The following ADAMTSL1 variants were observed in gnomAD, a reference collection of about 807,000 sequenced individuals.
ADAMTSL1 encodes ADAMTS-like protein 1.
Under a neutral mutation model 201.8 loss-of-function variants are expected in ADAMTSL1, and 126 were observed. The ratio of observed to expected loss-of-function variants is 0.62; its 90% CI spans 0.54 to 0.72. ADAMTSL1 has a LOEUF of 0.72. ADAMTSL1 is among the 30% of genes least tolerant of loss of function. The probability of loss-of-function intolerance (pLI) is 0.00; values close to 1 mark genes in which losing one functional copy is unlikely to be tolerated. For synonymous variants in ADAMTSL1, 1,121 were observed against 903.4 expected (o/e 1.24, Z -4.32); for missense variants, 2,679 against 2,277.8 (o/e 1.18, Z -3.59).
chr9:18,503,419 G>GTATATA (rs1206500089), intron 1 of ADAMTSL1, among the ~76,000 whole-genome samples: 2 of 58,238 alleles, frequency 3.4e-5, no homozygotes, highest in African/African-American at 1.2e-4. Flanking sequence ...GTATTCCATT[G>GTATATA]TGTATATATA....
chr9:18,709,378 C>A (rs546192784), intron 14 of ADAMTSL1, among the ~76,000 whole-genome samples: 5 of 152,090 alleles, frequency 3.3e-5, no homozygotes, highest in African/African-American at 1.2e-4. Flanking sequence ...CTGAAGCCAA[C>A]CAAAAATCTG....
intron 23 of ADAMTSL1, among the ~76,000 whole-genome samples, chr9:18,832,068 T>C (rs1716315732): frequency 1.3e-5 from 2 of 152,156 alleles, no homozygotes; most frequent in Admixed American, 1.3e-4. Context: ...TAAAACACCA[T>C]TGCTTTAAGA....
chr9:18,825,082 T>C (rs1171718586), intron 21 of ADAMTSL1, among the ~76,000 whole-genome samples: 1 of 152,128 alleles, frequency 6.6e-6, no homozygotes, highest in Non-Finnish European at 1.5e-5. Context: ...GGCTGAGTTG[T>C]GTAGGGGAGG....
chr9:18,385,371 C>T lies in ADAMTSL1; in HGVS notation c.208-119458C>T, dbSNP rs551286185. Among the ~76,000 whole-genome samples, 44 of 152,194 alleles carry T rather than the reference C, an allele frequency of 2.9e-4. No individual in the cohort carries two copies. The South Asian group carries it at 8.7e-3, about 30-fold the overall frequency. Reference sequence around the variant, plus strand: ...GAGGGTAGGGGTGGTGTTACTCATTCTATGGTTAAATGAATGAAGTGTCTC... The same window carrying T: ...GAGGGTAGGGGTGGTGTTACTCATTTTATGGTTAAATGAATGAAGTGTCTC... On this transcript the variant is annotated intron_variant, in intron 2 of 29. Transcript: ENST00000680146.
chr9:17,990,979 T>A (rs1464843907), intron 1 of ADAMTSL1, among the ~76,000 whole-genome samples: 6 of 152,120 alleles, frequency 3.9e-5, no homozygotes, highest in African/African-American at 1.4e-4. Flanking sequence ...GATAATACAA[T>A]AAAATAAAGG....
intron 15 of ADAMTSL1, among the ~76,000 whole-genome samples, chr9:18,733,572 G>A (rs932382320): frequency 1.3e-5 from 2 of 152,042 alleles, no homozygotes; most frequent in African/African-American, 2.4e-5. Context: ...TCTGCCACTG[G>A]CTTAGCTTAT....
intron 2 of ADAMTSL1, among the ~76,000 whole-genome samples, chr9:18,339,567 A>G (rs1835387262): frequency 6.6e-6 from 1 of 152,160 alleles, no homozygotes; most frequent in South Asian, 2.1e-4. Flanking sequence ...AGAATTTAAA[A>G]CAAAATTACC....
chr9:17,988,732 T>C (rs1819025268), intron 1 of ADAMTSL1, among the ~76,000 whole-genome samples: 1 of 152,046 alleles, frequency 6.6e-6, no homozygotes. Flanking sequence ...CTTTCAATTA[T>C]CAGTGAACTC....
intron 2 of ADAMTSL1, among the ~76,000 whole-genome samples, chr9:18,176,352 A>G (rs1484945736): frequency 6.6e-6 from 1 of 152,212 alleles, no homozygotes; most frequent in African/African-American, 2.4e-5. Flanking sequence ...TGTGAGCAAT[A>G]GTAATGGGAG....
intron 26 of ADAMTSL1, among the ~76,000 whole-genome samples, chr9:18,895,539 G>A (rs1005717887): frequency 2.6e-5 from 4 of 151,922 alleles, no homozygotes; most frequent in African/African-American, 7.3e-5. Context: ...GAGATTATGG[G>A]TGGAGACTGA....
chr9:18,491,710 A>G (rs1472087015), intron 1 of ADAMTSL1, among the ~76,000 whole-genome samples: 2 of 152,244 alleles, frequency 1.3e-5, no homozygotes, highest in East Asian at 1.9e-4. Context: ...TAAAAATGCC[A>G]AAAGTATGCA....
chr9:18,442,272 A>G (rs910692985), intron 2 of ADAMTSL1, among the ~76,000 whole-genome samples: 13 of 152,176 alleles, frequency 8.5e-5, no homozygotes, highest in African/African-American at 2.7e-4. Flanking sequence ...TACATAGCAG[A>G]CTCCAATCTT....
At chr9:18,220,894 C>G (rs1830233160) in intron 2 of ADAMTSL1, among the ~76,000 whole-genome samples, 1 of 151,916 alleles carries the variant, frequency 6.6e-6, no homozygotes, top group Non-Finnish European at 1.5e-5. Context: ...CCTGCCTCAC[C>G]CTCCCAAGTA....
At chr9:18,286,245 T>G (rs147596532) in intron 2 of ADAMTSL1, among the ~76,000 whole-genome samples, 66 of 152,286 alleles carry the variant, frequency 4.3e-4, no homozygotes, top group African/African-American at 1.5e-3. Flanking sequence ...AACAGAAACC[T>G]AGTTATGATT....
At chr9:17,927,329 T>C (rs1826580013) in intron 1 of ADAMTSL1, among the ~76,000 whole-genome samples, 1 of 152,126 alleles carries the variant, frequency 6.6e-6, no homozygotes, top group African/African-American at 2.4e-5. Context: ...AATGCACACA[T>C]ACATATACAC....
chr9:18,011,367 G>A (rs537196178), intron 1 of ADAMTSL1, among the ~76,000 whole-genome samples: 1 of 152,088 alleles, frequency 6.6e-6, no homozygotes, highest in East Asian at 1.9e-4. Context: ...AGCCAGGAGT[G>A]GGACAGGCAA....
At position 17,935,704 on chromosome 9, in the gene ADAMTSL1, A is replaced by T. The variant is rs74717620; in HGVS notation, c.87+28782A>T. Among the ~76,000 whole-genome samples the T allele has an allele frequency of 5.8e-3, 879 of 152,300 alleles. 8 individuals are homozygous for T. The highest frequency in any genetic ancestry group is 0.014 in the Middle Eastern group (4 of 294). Reference sequence around the variant, plus strand: ...CTTGCCTGATTTACTATTAATAGCAATACCTCTAGCTGTTCTATCTGTAGG... The same window carrying T: ...CTTGCCTGATTTACTATTAATAGCATTACCTCTAGCTGTTCTATCTGTAGG... On this transcript the variant is annotated intron_variant, in intron 1 of 29. Transcript: ENST00000680146.
intron 1 of ADAMTSL1, among the ~76,000 whole-genome samples, chr9:17,962,479 C>A (rs1329917): frequency 0.3 from 45,333 of 152,042 alleles, 7,633 homozygotes; most frequent in East Asian, 0.5. Context: ...CTTTACCTTA[C>A]ACAACCAATG....
chr9:18,182,021 A>G (rs1487635816), intron 2 of ADAMTSL1, among the ~76,000 whole-genome samples: 6 of 152,072 alleles, frequency 3.9e-5, no homozygotes, highest in African/African-American at 1.2e-4. Flanking sequence ...CATCATTCTC[A>G]GTAAACTATT....
Sources: allele counts gnomAD v4.1 joint callset (sites outside exome capture counted in the v4.1 genomes callset), GRCh38; gene constraint gnomAD v4.1.1; transcripts MANE v1.5; gene names NCBI Gene and HGNC (gene_info 2026-07-23, HGNC 2026-07-21).